The following IL1RAP variants were observed in gnomAD, a reference collection of about 807,000 sequenced individuals.
The protein encoded by IL1RAP is interleukin-1 receptor accessory protein.
A neutral mutation model predicts 60.7 loss-of-function variants in IL1RAP; 35 were observed. That is an observed-to-expected ratio of 0.58 (90% CI 0.44 to 0.76). The LOEUF is 0.76. Among genes scored for constraint, IL1RAP ranks in the 30% least tolerant of loss-of-function variants. The pLI is 0.00. For synonymous variants in IL1RAP, 268 were observed against 250.9 expected (o/e 1.07, Z -0.64); for missense variants, 572 against 693.9 (o/e 0.82, Z 1.97).
chr3:190,594,494 G>C (rs117381795), intron 3 of IL1RAP, among the ~76,000 whole-genome samples: 2 of 152,308 alleles, frequency 1.3e-5, no homozygotes, highest in Middle Eastern at 3.4e-3. Flanking sequence ...GGTAGGAGGA[G>C]CATGGGAACC....
At chr3:190,584,035 C>A (rs2108685982) in intron 3 of IL1RAP, among the ~76,000 whole-genome samples, 1 of 152,258 alleles carries the variant, frequency 6.6e-6, no homozygotes, top group African/African-American at 2.4e-5. Flanking sequence ...TTCTCTCATG[C>A]TGCCACTGTG....
At chr3:190,658,551 C>G (rs758157457) in exon 12 of IL1RAP, 2 of 152,132 alleles carry the variant, frequency 1.3e-5, no homozygotes, top group African/African-American at 4.8e-5. Flanking sequence ...ATAAGAAGAA[C>G]GAAGTCTGCT....
At chr3:190,532,347 T>G (rs1045816985) in intron 1 of IL1RAP, among the ~76,000 whole-genome samples, 10 of 151,208 alleles carry the variant, frequency 6.6e-5, no homozygotes, top group South Asian at 4.2e-4. Flanking sequence ...ACTGCAAGCT[T>G]CGCCTCCTGG....
chr3:190,656,017 TC>T, downstream of IL1RAP: 1 of 1,537,220 alleles, frequency 6.5e-7, no homozygotes, highest in Non-Finnish European at 8.7e-7. Flanking sequence ...GTGCCAGAAC[TC>T]CATTGCCACC....
exon 12 of IL1RAP, chr3:190,658,494 C>A (rs1734685634): frequency 6.6e-6 from 1 of 152,154 alleles, no homozygotes; most frequent in Admixed American, 6.5e-5. Flanking sequence ...AAATTCGGTG[C>A]CTTCCATTTA....
chr3:190,648,262 C>T (rs1297074183), intron 11 of IL1RAP, 76 bp from the exon 12 acceptor site: 3 of 1,514,912 alleles, frequency 2.0e-6, no homozygotes, highest in Non-Finnish European at 2.6e-6. Flanking sequence ...AAGTTCCCTA[C>T]ATTTGCTCCT....
intron 7 of IL1RAP, among the ~76,000 whole-genome samples, chr3:190,625,921 A>G (rs1732223493): frequency 6.6e-6 from 1 of 152,196 alleles, no homozygotes; most frequent in Non-Finnish European, 1.5e-5. Context: ...TTTCTTAGTG[A>G]CATACAGATA....
Position 190,623,354 on chromosome 3 carries a change from A to G in IL1RAP, c.714A>G (p.Lys238=). 6.2e-7 allele frequency: 1 copy of G among 1,613,284 alleles called. No individual in the cohort carries two copies. Among genetic ancestry groups the G allele is most frequent in the South Asian group, 1.1e-5 (1 of 91,068 alleles). Residue 238 remains lysine, a synonymous_variant, in exon 7 of 12, where the codon AAA becomes AAG. Transcript: ENST00000447382. The stretch of plus-strand genomic sequence containing the variant: ...TTTCCTCTAACACAGGCTCTCCAAA[A>G]AATGCAGTGCCCCCTGTGATCCATT... ...TLTVKVVGSP[K]NAVPPVIHSP...
intron 2 of IL1RAP, among the ~76,000 whole-genome samples, chr3:190,557,781 TA>T: frequency 6.6e-6 from 1 of 152,308 alleles, no homozygotes; most frequent in Non-Finnish European, 1.5e-5. Flanking sequence ...TCATACCACT[TA>T]AAATATATTT....
intron 7 of IL1RAP, among the ~76,000 whole-genome samples, chr3:190,626,889 T>G (rs968593928): frequency 1.3e-5 from 2 of 151,934 alleles, no homozygotes; most frequent in Non-Finnish European, 2.9e-5. Flanking sequence ...AGGCTGGTCT[T>G]GAACTCCTCA....
chr3:190,545,224 T>A (rs1006383181), intron 1 of IL1RAP, among the ~76,000 whole-genome samples: 1 of 152,218 alleles, frequency 6.6e-6, no homozygotes, highest in African/African-American at 2.4e-5. Context: ...AGAATGCCGA[T>A]GTTGCTGACC....
At chr3:190,655,063 A>C (rs910358781), downstream of IL1RAP, among the ~76,000 whole-genome samples, 2 of 152,134 alleles carry the variant, frequency 1.3e-5, no homozygotes, top group Non-Finnish European at 2.9e-5. Context: ...ACACAGAAAA[A>C]AGAATTTAAT....
At chr3:190,569,776 C>T (rs1726755610) in intron 3 of IL1RAP, among the ~76,000 whole-genome samples, 1 of 152,118 alleles carries the variant, frequency 6.6e-6, no homozygotes, top group Non-Finnish European at 1.5e-5. Context: ...AGAAAAATGA[C>T]CTGGTTCTTT....
rs146553507 is a variant in IL1RAP, at chr3:190,529,370, G to T, written c.-89+15151G>T. 4.0e-3 allele frequency among the ~76,000 whole-genome samples: 583 copies of T among 146,986 alleles called. 1 individual carries two copies. Among genetic ancestry groups the T allele is most frequent in the Middle Eastern group, 0.014 (4 of 288 alleles). ...TGGTCAAGAGACCAGCCTGGCCAAC[G>T]TGGTGAAACCCCTTCTCTACTAAAA... On this transcript the variant is annotated intron_variant, in intron 1 of 11. Transcript: ENST00000447382.
At chr3:190,653,600 G>C (rs1268314869), downstream of IL1RAP, among the ~76,000 whole-genome samples, 1 of 151,834 alleles carries the variant, frequency 6.6e-6, no homozygotes, top group Non-Finnish European at 1.5e-5. Flanking sequence ...TTTCTTCTAA[G>C]TGAACTCCAT....
chr3:190,624,141 G>A (rs1048602649), intron 7 of IL1RAP, among the ~76,000 whole-genome samples: 3 of 152,210 alleles, frequency 2.0e-5, no homozygotes, highest in Non-Finnish European at 2.9e-5. Flanking sequence ...GGAATGAATT[G>A]CAGATAGCAA....
At chr3:190,548,770 C>T (rs1299253692) in intron 1 of IL1RAP, among the ~76,000 whole-genome samples, 1 of 152,106 alleles carries the variant, frequency 6.6e-6, no homozygotes, top group Non-Finnish European at 1.5e-5. Context: ...GCAGAAGGGA[C>T]CTGAGTCTTG....
chr3:190,600,325 G>A (rs1163734418), intron 3 of IL1RAP, among the ~76,000 whole-genome samples: 1 of 152,202 alleles, frequency 6.6e-6, no homozygotes, highest in African/African-American at 2.4e-5. Flanking sequence ...CCTTGGAGCT[G>A]AGTGAAGAAA....
chr3:190,578,955 TG>T (rs777675020), intron 3 of IL1RAP, among the ~76,000 whole-genome samples: 3 of 152,172 alleles, frequency 2.0e-5, no homozygotes, highest in African/African-American at 4.8e-5. Context: ...GTGGGGAGTA[TG>T]GGAGCTACAA....
Sources: gnomAD v4.1 joint callset for allele counts (sites outside exome capture counted in the v4.1 genomes callset) on GRCh38, gnomAD v4.1.1 for gene constraint, MANE v1.5 for transcripts, NCBI Gene and HGNC (gene_info 2026-07-23, HGNC 2026-07-21) for gene names.